Variants in UBE4B observed in about 807,000 individuals in gnomAD.
UBE4B encodes ubiquitination factor E4B.
A neutral mutation model predicts 148.1 loss-of-function variants in UBE4B; 27 were observed. The ratio of observed to expected loss-of-function variants is 0.18; its 90% CI spans 0.13 to 0.25. UBE4B has a LOEUF of 0.25. UBE4B is among the 10% of genes least tolerant of loss of function. UBE4B has a pLI of 1.00. For synonymous variants in UBE4B, 596 were observed against 619.3 expected, an observed-to-expected ratio of 0.96 and a Z score of 0.56; for missense variants, 1,170 against 1,662.4, an observed-to-expected ratio of 0.70 and a Z score of 5.15.
At chr1:10,093,128 T>C (rs1644876371) in intron 2 of UBE4B, among the ~76,000 whole-genome samples, 1 of 152,244 alleles carries the variant, frequency 6.6e-6, no homozygotes, top group Non-Finnish European at 1.5e-5. Context: ...AATTTGTAAT[T>C]ATGTGTTTAA....
chr1:10,154,236 C>G (rs1646029200), intron 21 of UBE4B, among the ~76,000 whole-genome samples: 1 of 151,732 alleles, frequency 6.6e-6, no homozygotes, highest in Admixed American at 6.6e-5. Flanking sequence ...AGCAAGACTT[C>G]ATCTCAAAAA....
chr1:10,138,787 A>G (rs1015520937), intron 17 of UBE4B, among the ~76,000 whole-genome samples: 3 of 152,176 alleles, frequency 2.0e-5, no homozygotes, highest in African/African-American at 7.2e-5. Context: ...TTTTATTTCA[A>G]TAGTTAGTTC....
rs147347701 is a variant in UBE4B, at chr1:10,106,737, C to CT, written c.1196+155dup. On this transcript the variant is annotated intron_variant, in intron 7 of 27. Transcript: ENST00000343090. This position sits in a 1 kb window ranked among gnomAD's most constrained non-coding sequence, Gnocchi z 4.2. ...CTAACTAGTTTGGTAGGCACGTACT[C>CT]TGAGTCCATGCTTCTGCCAGGCTCT... Among the ~76,000 whole-genome samples the CT allele has an allele frequency of 4.6e-3, 697 of 152,324 alleles. 3 individuals are homozygous for CT. Among genetic ancestry groups the CT allele is most frequent in the Middle Eastern group, 0.01 (3 of 294 alleles).
chr1:10,062,993 G>A (rs986794379), intron 1 of UBE4B, among the ~76,000 whole-genome samples: 3 of 151,222 alleles, frequency 2.0e-5, no homozygotes, highest in Non-Finnish European at 2.9e-5. Flanking sequence ...TAGTGATGGC[G>A]AATAAAACAG....
chr1:10,149,861 A>T (rs1211197406), intron 20 of UBE4B, among the ~76,000 whole-genome samples: 1 of 152,182 alleles, frequency 6.6e-6, no homozygotes, highest in Non-Finnish European at 1.5e-5. Flanking sequence ...CTATTGTGAA[A>T]AGTAAAAGTC....
At position 10,035,752 on chromosome 1, in the gene UBE4B, A is replaced by AT. The variant is rs1312508799; in HGVS notation, c.24+2066dup. Among the ~76,000 whole-genome samples, 399 of 109,978 alleles carry AT rather than the reference A, an allele frequency of 3.6e-3. 5 individuals carry two copies. Among genetic ancestry groups the AT allele is most frequent in the African/African-American group, 0.013 (375 of 29,464 alleles). 72.1% of individuals were successfully genotyped at this position (109,978 alleles called of 152,430 possible). A position where few individuals can be genotyped will look rare whatever the true frequency, so the allele number is the denominator to read the frequency against. Reference sequence around the variant, plus strand: ...TTTTATTTTTTATTTATTTTATTTTATTTTTTTTGAGACGGAGCCTCGCTC... The same window carrying AT: ...TTTTATTTTTTATTTATTTTATTTTATTTTTTTTTGAGACGGAGCCTCGCTC... On this transcript the variant is annotated intron_variant, in intron 1 of 27. Coordinates refer to ENST00000343090, the MANE Select transcript of UBE4B (RefSeq NM_001105562.3).
chr1:10,160,103 G>C (rs761417416), intron 22 of UBE4B, among the ~76,000 whole-genome samples: 1 of 152,136 alleles, frequency 6.6e-6, no homozygotes, highest in Admixed American at 6.6e-5. Context: ...TTTTCTCTAC[G>C]AATCTGGCAT....
chr1:10,146,778 G>A (rs1645880094), intron 18 of UBE4B, among the ~76,000 whole-genome samples, 185 bp from the exon 19 acceptor site: 1 of 151,918 alleles, frequency 6.6e-6, no homozygotes, highest in Non-Finnish European at 1.5e-5. Context: ...TGCTTGCCAC[G>A]CCTTTGTTTT....
At chr1:10,101,465 G>A (rs1645009540) in intron 4 of UBE4B, among the ~76,000 whole-genome samples, 1 of 140,932 alleles carries the variant, frequency 7.1e-6, no homozygotes, top group Non-Finnish European at 1.6e-5. Flanking sequence ...AACTAATTTA[G>A]AGCAAATTAG....
At chr1:10,086,126 C>T (rs1004546615) in intron 2 of UBE4B, among the ~76,000 whole-genome samples, 19 of 152,136 alleles carry the variant, frequency 1.2e-4, no homozygotes, top group African/African-American at 4.3e-4. Context: ...CGCCCGCCAC[C>T]ACGCCAGGCT....
chr1:10,125,833 G>A (rs1256319864), intron 10 of UBE4B, among the ~76,000 whole-genome samples: 2 of 152,132 alleles, frequency 1.3e-5, no homozygotes, highest in Non-Finnish European at 2.9e-5. Flanking sequence ...GCAGGTTAAT[G>A]TATTAATTAC....
chr1:10,168,342 C>T lies in UBE4B; in HGVS notation c.3333+72C>T, dbSNP rs1646286721. 3.8e-5 allele frequency: 59 copies of T among 1,542,946 alleles called. No individual in the cohort carries two copies. The highest frequency in any genetic ancestry group is 5.1e-5 in the Non-Finnish European group (58 of 1,143,786). ...CAGACTCTCTCACTTATAACTTTAG[C>T]AGTTGTTGAAGTTCTGGAAATTTTA... On this transcript the variant is annotated intron_variant, in intron 24 of 27. Coordinates refer to ENST00000343090, the MANE Select transcript of UBE4B (RefSeq NM_001105562.3). This position sits in a 1 kb window ranked among gnomAD's most constrained non-coding sequence, Gnocchi z 4.9.
intron 10 of UBE4B, among the ~76,000 whole-genome samples, chr1:10,122,648 G>A (rs1003532633): frequency 6.6e-6 from 1 of 152,216 alleles, no homozygotes; most frequent in African/African-American, 2.4e-5. Flanking sequence ...AGCTGTGTAC[G>A]TAGTCTTGAA....
rs768684469 is a variant in UBE4B at position 10,137,131 on chromosome 1, T to C, written c.2289T>C (p.His763=). 2 of 1,614,220 alleles carry C rather than the reference T, an allele frequency of 1.2e-6. No individual in the cohort carries two copies. The highest frequency in any genetic ancestry group is 3.3e-5 in the Admixed American group (2 of 60,016). The change falls in exon 17 of 28, where the codon CAT becomes CAC. Residue 763 remains histidine (H), a synonymous_variant. Coordinates refer to ENST00000343090, the MANE Select transcript of UBE4B (RefSeq NM_001105562.3). ...FPTECFFLTL[H]AHHLSILPSC... Reference sequence around the variant, plus strand: ...CGGAGTGCTTCTTTCTCACCCTGCATGCTCACCACCTCTCTATTCTGCCTA... The same window carrying C: ...CGGAGTGCTTCTTTCTCACCCTGCACGCTCACCACCTCTCTATTCTGCCTA...
intron 1 of UBE4B, among the ~76,000 whole-genome samples, chr1:10,050,685 T>C (rs897535457): frequency 3.9e-5 from 6 of 152,034 alleles, no homozygotes; most frequent in African/African-American, 1.4e-4. Context: ...CATGAATGAA[T>C]GCAGTGATAC....
chr1:10,107,601 G>A (rs1212540616), intron 7 of UBE4B, among the ~76,000 whole-genome samples: 2 of 138,194 alleles, frequency 1.4e-5, no homozygotes, highest in African/African-American at 5.5e-5. Context: ...TTTTGAGGCA[G>A]AGTTCTGCTC....
chr1:10,143,775 A>G (rs922457915), intron 17 of UBE4B, among the ~76,000 whole-genome samples: 6 of 152,332 alleles, frequency 3.9e-5, no homozygotes, highest in Middle Eastern at 6.8e-3. Flanking sequence ...TGGAATGGCT[A>G]TAATAGAAGA....
intron 1 of UBE4B, among the ~76,000 whole-genome samples, chr1:10,056,236 G>A (rs1644165556): frequency 6.6e-6 from 1 of 152,154 alleles, no homozygotes; most frequent in Non-Finnish European, 1.5e-5. Flanking sequence ...TGACACGTGA[G>A]ATGCTTTTTA....
chr1:10,095,477 C>T lies in UBE4B; in HGVS notation c.228C>T (p.Ser76=), dbSNP rs746363844. The change falls in exon 3 of 28, where the codon AGC becomes AGT. Residue 76 remains serine, a synonymous_variant. Transcript: ENST00000343090. ...TCTGTTTAGGAGTAGCCCATCGAAG[C>T]CAGAGCAGTGAAGGAGTCAGTTCTC... The part of the protein sequence containing the change: ...PIGASGVAHR[S]QSSEGVSSLS... 1 of 1,613,972 alleles carries T rather than the reference C, an allele frequency of 6.2e-7. No homozygotes were observed. The highest frequency in any genetic ancestry group is 1.3e-5 in the African/African-American group (1 of 74,892).
Sources: gnomAD v4.1 joint callset for allele counts (sites outside exome capture counted in the v4.1 genomes callset) on GRCh38, gnomAD v4.1.1 for gene constraint, Gnocchi (gnomAD v3.1) non-coding constraint, MANE v1.5 for transcripts, NCBI Gene and HGNC (gene_info 2026-07-23, HGNC 2026-07-21) for gene names.